The following SIRT6 variants were observed in gnomAD, a reference collection of about 807,000 sequenced individuals.
SIRT6 encodes NAD-dependent protein deacylase sirtuin-6.
Under a neutral mutation model 33.6 loss-of-function variants are expected in SIRT6, and 21 were observed. The observed-to-expected ratio is 0.62, with a 90% confidence interval of 0.44 to 0.90. The LOEUF (loss-of-function observed/expected upper bound fraction) is 0.90. SIRT6 is among the 40% of genes least tolerant of loss of function. The pLI is 0.00. For synonymous variants in SIRT6, 221 were observed against 223.9 expected (o/e 0.99, Z 0.12); for missense variants, 504 against 510.6 (o/e 0.99, Z 0.12).
intron 6 of SIRT6, 91 bp downstream of exon 6, chr19:4,175,589 C>T (rs1967243959): frequency 2.3e-6 from 3 of 1,298,012 alleles, no homozygotes; most frequent in Non-Finnish European, 3.1e-6. Flanking sequence ...GCCTGTGAGC[C>T]TCAGCCACTG....
At chr19:4,179,874 G>T (rs1438688415) in intron 2 of SIRT6, among the ~76,000 whole-genome samples, 1 of 152,280 alleles carries the variant, frequency 6.6e-6, no homozygotes, top group East Asian at 1.9e-4. Flanking sequence ...GTAAACAAAG[G>T]CCTGGGTGCT....
Position 4,174,851 on chromosome 19 carries a change from G to T in SIRT6, c.834C>A (p.Gly278=), listed in dbSNP as rs770742390. The change falls in exon 8 of 8, where the codon GGC becomes GGA. Residue 278 remains glycine, a synonymous_variant. Coordinates refer to ENST00000337491, the MANE Select transcript of SIRT6 (RefSeq NM_016539.4). The surrounding 1 kb of genome is among the most constrained non-coding windows in gnomAD (Gnocchi z 4.2). ...GCAGCGCCCTCTCCAGCACACGGGG[G>T]CCGTCCCAGGCGGGGATCTCCAGCC... ...HLGLEIPAWD[G]PRVLERALPP... is the part of the protein sequence containing the mutation. 3 of 1,597,584 alleles carry T rather than the reference G, an allele frequency of 1.9e-6. No individual in the cohort carries two copies. The South Asian group carries it at 3.3e-5, about 18-fold the overall frequency.
At chr19:4,175,306 C>T in intron 6 of SIRT6, 155 bp from the exon 7 acceptor site, 2 of 1,041,786 alleles carry the variant, frequency 1.9e-6, no homozygotes, top group South Asian at 3.3e-5. Flanking sequence ...CCCGCCCTGC[C>T]CTCCTCTGCG....
chr19:4,181,655 C>T (rs1310831049), intron 1 of SIRT6, among the ~76,000 whole-genome samples: 1 of 152,136 alleles, frequency 6.6e-6, no homozygotes, highest in African/African-American at 2.4e-5. Flanking sequence ...GGCGTGGTGG[C>T]AGGTGCCTGT....
At position 4,175,095 on chromosome 19, in the gene SIRT6, T is replaced by C. The variant is rs200395703; in HGVS notation, c.671A>G (p.Asn224Ser). The C allele has an allele frequency of 6.4e-7, 1 of 1,566,710 alleles. No individual in the cohort carries two copies. The highest frequency in any genetic ancestry group is 1.9e-5 in the Admixed American group (1 of 52,280). The change falls in exon 7 of 8, where the codon AAC becomes AGC. Residue 224 changes from asparagine to serine, a missense_variant. Asn to Ser is a conservative substitution (Grantham distance 46, BLOSUM62 1). Coordinates refer to ENST00000337491, the MANE Select transcript of SIRT6 (RefSeq NM_016539.4). ...GTSLQIRPSG[N>S]LPLATKRRGG... ...CCGGCGCTTGGTAGCCAGCGGCAGG[T>C]TCCCGCTGGGCCGGATCTGCAGCGA...
Position 4,182,497 on chromosome 19 carries a change from T to C in SIRT6, c.43A>G (p.Lys15Glu), listed in dbSNP as rs772687363. The C allele has an allele frequency of 1.1e-5, 17 of 1,611,662 alleles. No homozygotes were observed. Among genetic ancestry groups the C allele is most frequent in the Non-Finnish European group, 1.4e-5 (16 of 1,179,200 alleles). The change falls in exon 1 of 8, where the codon AAG (lysine) becomes GAG (glutamate). Residue 15 changes from lysine (K) to glutamate (E), a missense_variant. Transcript: ENST00000337491. ...YAAGLSPYAD[K>E]GKCGLPEIFD... The stretch of plus-strand genomic sequence containing the variant: ...ACCTCCGGGAGGCCGCACTTGCCCT[T>C]GTCCGCGTACGGCGACAGCCCCGCC...
chr19:4,180,601 G>C (rs1297367925), intron 2 of SIRT6, 181 bp downstream of exon 2: 1 of 676,818 alleles, frequency 1.5e-6, no homozygotes, highest in African/African-American at 1.9e-5. Context: ...GGCTGGTCTG[G>C]AATTCTTGAC....
At chr19:4,176,833 G>A (rs1967329548) in intron 4 of SIRT6, among the ~76,000 whole-genome samples, 3 of 152,052 alleles carry the variant, frequency 2.0e-5, no homozygotes, top group South Asian at 4.1e-4. Context: ...GCCAGGACAC[G>A]GATGTACCCC....
chr19:4,179,620 ACTG>A, intron 2 of SIRT6: 1 of 345,314 alleles, frequency 2.9e-6, no homozygotes, highest in Non-Finnish European at 5.3e-6. Flanking sequence ...TTCAACCAAC[ACTG>A]CTGCTGCAAT....
Position 4,174,803 on chromosome 19 carries a change from G to A in SIRT6, c.882C>T (p.Thr294=), listed in dbSNP as rs1599354513. 2.3e-6 allele frequency: 1 copy of A among 443,688 alleles called. No individual in the cohort carries two copies. The highest frequency in any genetic ancestry group is 7.6e-5 in the East Asian group (1 of 13,236). The allele number at this position is 443,688 out of a possible 1,614,324, so 27.5% of individuals were successfully genotyped here. A position where few individuals can be genotyped will look rare whatever the true frequency, so the allele number is the denominator to read the frequency against. ...RALPPLPRPP[T]PKLEPKEESP... ...ATTCCTCCTTGGGCTCCAGCTTGGG[G>A]GTGGGCGGGCGGGGCAGGGGTGGCA... Residue 294 remains threonine (T), a synonymous_variant, in exon 8 of 8, where the codon ACC becomes ACT. Transcript: ENST00000337491. This position sits in a 1 kb window ranked among gnomAD's most constrained non-coding sequence, Gnocchi z 4.2.
At chr19:4,180,689 G>T in intron 2 of SIRT6, 93 bp downstream of exon 2, 2 of 1,488,932 alleles carry the variant, frequency 1.3e-6, no homozygotes, top group Non-Finnish European at 1.8e-6. Flanking sequence ...AAAGCAGATG[G>T]ATGTGTTCTC....
chr19:4,176,065 G>A lies in SIRT6; in HGVS notation c.438-128C>T, dbSNP rs535134686. 1,254 of 701,078 alleles carry A rather than the reference G, an allele frequency of 1.8e-3. 2 individuals are homozygous for A. Among genetic ancestry groups the A allele is most frequent in the Non-Finnish European group, 2.4e-3 (1,009 of 417,270 alleles). The allele number at this position is 701,078 out of a possible 1,614,324, so 43.4% of individuals were successfully genotyped here. A position where few individuals can be genotyped will look rare whatever the true frequency, so the allele number is the denominator to read the frequency against. Reference sequence around the variant, plus strand: ...CAGGTGACCAGAACTAGCACCCAGCGACACGGAACGAGTAGCCTTCCATGA... The same window carrying A: ...CAGGTGACCAGAACTAGCACCCAGCAACACGGAACGAGTAGCCTTCCATGA... On this transcript the variant is annotated intron_variant, in intron 4 of 7. Transcript: ENST00000337491.
intron 6 of SIRT6, 60 bp downstream of exon 6, chr19:4,175,620 T>G: frequency 1.4e-6 from 2 of 1,406,132 alleles, no homozygotes; most frequent in South Asian, 1.5e-5. Flanking sequence ...GAGCTGGCTG[T>G]GTTTCTGCTG....
chr19:4,175,135 T>G lies in SIRT6; in HGVS notation c.631A>C (p.Ile211Leu), dbSNP rs1967215596. The change falls in exon 7 of 8, where the codon ATC (isoleucine) becomes CTC (leucine). Residue 211 changes from isoleucine to leucine, a missense_variant. Ile to Leu is a conservative substitution (Grantham distance 5, BLOSUM62 2). Coordinates refer to ENST00000337491, the MANE Select transcript of SIRT6 (RefSeq NM_016539.4). ...ATCTGCAGCGATGTACCCAGCGTGA[T>G]GGACAGGTCGGCGTTCCTGGGGCCG... ...DEASRNADLSITLGTSLQIRP... is the reference protein window; with the variant it reads ...DEASRNADLSLTLGTSLQIRP... The G allele has an allele frequency of 6.2e-7, 1 of 1,603,088 alleles. No individual in the cohort carries two copies. The highest frequency in any genetic ancestry group is 8.5e-7 in the Non-Finnish European group (1 of 1,176,290).
intron 4 of SIRT6, among the ~76,000 whole-genome samples, chr19:4,176,461 C>T (rs746970388): frequency 1.1e-4 from 17 of 152,194 alleles, no homozygotes; most frequent in Admixed American, 2.0e-4. Context: ...TGGTGGCGGG[C>T]GCCTGCAGTT....
intron 3 of SIRT6, among the ~76,000 whole-genome samples, chr19:4,178,277 G>A (rs555196364): frequency 7.2e-5 from 11 of 151,920 alleles, no homozygotes; most frequent in African/African-American, 2.4e-4. Context: ...CGCCTGCCTC[G>A]GCCTCCCAAA....
intron 4 of SIRT6, among the ~76,000 whole-genome samples, 161 bp from the exon 5 acceptor site, chr19:4,176,098 G>A (rs1568295274): frequency 6.6e-6 from 1 of 152,166 alleles, no homozygotes; most frequent in Non-Finnish European, 1.5e-5. Flanking sequence ...TGAATAACGG[G>A]CTGGGATGCT....
intron 4 of SIRT6, among the ~76,000 whole-genome samples, chr19:4,176,170 G>C (rs963162145): frequency 5.9e-5 from 9 of 152,204 alleles, no homozygotes; most frequent in Non-Finnish European, 1.0e-4. Context: ...GAAGGGGCTC[G>C]AGAGACAAGA....
Position 4,179,238 on chromosome 19 carries a change from C to T in SIRT6, c.243G>A (p.Lys81=). 1 of 1,609,958 alleles carries T rather than the reference C, an allele frequency of 6.2e-7. No homozygotes were observed. Among genetic ancestry groups the T allele is most frequent in the Non-Finnish European group, 8.5e-7 (1 of 1,178,686 alleles). ...WTMEERGLAP[K]FDTTFESARP... ...GCGCGCTCTCAAAGGTGGTGTCGAA[C>T]TTGGGGGCCAGACCTCGCTCCTCCA... The change falls in exon 3 of 8, where the codon AAG becomes AAA. Residue 81 remains lysine (K), a synonymous_variant. Coordinates refer to ENST00000337491, the MANE Select transcript of SIRT6 (RefSeq NM_016539.4).
Sources: allele counts gnomAD v4.1 joint callset (sites outside exome capture counted in the v4.1 genomes callset), GRCh38; gene constraint gnomAD v4.1.1; non-coding constraint Gnocchi (gnomAD v3.1); transcripts MANE v1.5; gene names NCBI Gene and HGNC (gene_info 2026-07-23, HGNC 2026-07-21).